PPM1H: variants seen among roughly 807,000 people sequenced by gnomAD.
The protein encoded by PPM1H is protein phosphatase 1H.
In PPM1H, 27 loss-of-function variants were observed where a neutral mutation model predicts 54.9. The ratio of observed to expected loss-of-function variants is 0.49; its 90% confidence interval spans 0.36 to 0.68. PPM1H has a LOEUF of 0.68. PPM1H is among the 30% of genes least tolerant of loss of function. The pLI, the probability that PPM1H is intolerant of heterozygous loss-of-function variation, is 0.00. For synonymous variants in PPM1H, 305 were observed against 270.8 expected, an observed-to-expected ratio of 1.13 and a Z score of -1.24; for missense variants, 596 against 667.8, an observed-to-expected ratio of 0.89 and a Z score of 1.19.
intron 4 of PPM1H, among the ~76,000 whole-genome samples, chr12:62,741,891 A>G (rs2076383150): frequency 6.6e-6 from 1 of 152,182 alleles, no homozygotes; most frequent in Non-Finnish European, 1.5e-5. Flanking sequence ...AGGGCCCTAC[A>G]TAAGACTTTT....
intron 4 of PPM1H, among the ~76,000 whole-genome samples, chr12:62,769,627 G>C (rs1421654925): frequency 6.6e-6 from 1 of 152,186 alleles, no homozygotes; most frequent in Non-Finnish European, 1.5e-5. Flanking sequence ...ATACCATACT[G>C]AACAGCTGTT....
rs117774112 is a variant in PPM1H, at chr12:62,934,340, G to A, written c.245+152C>T. Among the ~76,000 whole-genome samples the A allele has an allele frequency of 0.023, 3,464 of 152,286 alleles. 40 individuals are homozygous for A. The highest frequency in any genetic ancestry group is 0.028 in the Non-Finnish European group (1,902 of 68,016). ...GAGGGAGTGGGGAGAAGAGGGAAATGGCCAGTGTAAGTAAAGAGCTCCCCG... is the reference window on the plus strand; with the variant it reads ...GAGGGAGTGGGGAGAAGAGGGAAATAGCCAGTGTAAGTAAAGAGCTCCCCG... On this transcript the variant is annotated intron_variant, in intron 1 of 9. Transcript: ENST00000228705. The surrounding 1 kb of genome is among the most constrained non-coding windows in gnomAD (Gnocchi z 4.2).
At chr12:62,862,574 C>A (rs542560052) in intron 1 of PPM1H, among the ~76,000 whole-genome samples, 18 of 152,232 alleles carry the variant, frequency 1.2e-4, no homozygotes, top group African/African-American at 4.3e-4. Flanking sequence ...ATTGAAAAAA[C>A]TTGGAATAAA....
chr12:62,751,382 T>C (rs977605498), intron 4 of PPM1H, among the ~76,000 whole-genome samples: 14 of 152,236 alleles, frequency 9.2e-5, no homozygotes, highest in African/African-American at 3.1e-4. Context: ...AGTGGTATTT[T>C]AGCCTGAGGG....
intron 9 of PPM1H, among the ~76,000 whole-genome samples, chr12:62,654,959 C>T (rs1032713637): frequency 1.3e-5 from 2 of 152,142 alleles, no homozygotes; most frequent in African/African-American, 4.8e-5. Context: ...GGCTTCTCTC[C>T]GCCGGCTTCT....
At chr12:62,804,820 C>T (rs1255181784) in intron 2 of PPM1H, among the ~76,000 whole-genome samples, 4 of 149,652 alleles carry the variant, frequency 2.7e-5, no homozygotes, top group African/African-American at 4.9e-5. Flanking sequence ...GGACTACAGG[C>T]GCCCGCCACT....
intron 1 of PPM1H, among the ~76,000 whole-genome samples, chr12:62,876,558 G>T (rs1278141918): frequency 6.6e-6 from 1 of 152,202 alleles, no homozygotes; most frequent in Non-Finnish European, 1.5e-5. Flanking sequence ...CTTAGGAAAA[G>T]AAAACACAAG....
intron 2 of PPM1H, among the ~76,000 whole-genome samples, chr12:62,820,343 G>T (rs1321536419): frequency 6.6e-6 from 1 of 152,230 alleles, no homozygotes; most frequent in South Asian, 2.1e-4. Context: ...TGAACAAAAG[G>T]CAGCAGAAAC....
intron 2 of PPM1H, among the ~76,000 whole-genome samples, chr12:62,818,196 C>T (rs1201673823): frequency 1.3e-5 from 2 of 152,206 alleles, no homozygotes; most frequent in Non-Finnish European, 2.9e-5. Context: ...TAGGTTATGA[C>T]ATGCCTTTCA....
intron 4 of PPM1H, among the ~76,000 whole-genome samples, chr12:62,749,895 C>T (rs774805095): frequency 4.6e-5 from 7 of 152,200 alleles, no homozygotes; most frequent in Admixed American, 2.0e-4. Flanking sequence ...ACTCATACCA[C>T]CCAGAATAAT....
At chr12:62,715,569 C>T (rs2120441367) in intron 6 of PPM1H, among the ~76,000 whole-genome samples, 1 of 152,154 alleles carries the variant, frequency 6.6e-6, no homozygotes, top group East Asian at 1.9e-4. Context: ...TCCGTGAAAG[C>T]ATGAGGGTGG....
At chr12:62,825,138 A>G (rs1344738602) in intron 2 of PPM1H, among the ~76,000 whole-genome samples, 2 of 152,228 alleles carry the variant, frequency 1.3e-5, no homozygotes, top group African/African-American at 4.8e-5. Flanking sequence ...CATGAAAAAA[A>G]TCCTCATCAT....
At chr12:62,776,352 TC>T (rs1365278727) in intron 4 of PPM1H, among the ~76,000 whole-genome samples, 1 of 152,226 alleles carries the variant, frequency 6.6e-6, no homozygotes, top group African/African-American at 2.4e-5. Context: ...CTAAGTCCCT[TC>T]CCTTGCCCTA....
intron 8 of PPM1H, among the ~76,000 whole-genome samples, chr12:62,677,807 T>G (rs1488536778): frequency 1.3e-5 from 2 of 152,250 alleles, no homozygotes; most frequent in Non-Finnish European, 2.9e-5. Flanking sequence ...GTAAGGATCC[T>G]GTGACATTAT....
At chr12:62,817,161 G>GA (rs1179706449) in intron 2 of PPM1H, among the ~76,000 whole-genome samples, 1,879 of 75,304 alleles carry the variant, frequency 0.025, 27 homozygotes, top group Non-Finnish European at 0.039. Context: ...CTAAAAAAAA[G>GA]AAAAAAAAAA....
intron 9 of PPM1H, among the ~76,000 whole-genome samples, chr12:62,662,460 G>C (rs750998134): frequency 6.6e-6 from 1 of 152,090 alleles, no homozygotes; most frequent in Non-Finnish European, 1.5e-5. Flanking sequence ...CTACCTTCAC[G>C]TTTCCTGAAT....
At chr12:62,774,370 T>C (rs2076597353) in intron 4 of PPM1H, among the ~76,000 whole-genome samples, 1 of 151,666 alleles carries the variant, frequency 6.6e-6, no homozygotes, top group Non-Finnish European at 1.5e-5. Flanking sequence ...TTTCCTTTTT[T>C]GAGATATTTT....
intron 8 of PPM1H, among the ~76,000 whole-genome samples, chr12:62,677,713 G>A (rs2136624297): frequency 6.6e-6 from 1 of 152,314 alleles, no homozygotes; most frequent in Admixed American, 6.5e-5. Flanking sequence ...AGGCTGAGTG[G>A]GCAGAACAGG....
chr12:62,796,004 T>C (rs1592603313), intron 3 of PPM1H, among the ~76,000 whole-genome samples: 1 of 152,208 alleles, frequency 6.6e-6, no homozygotes, highest in Admixed American at 6.5e-5. Flanking sequence ...GCTGGGATTA[T>C]AGGTGTGGAC....
Sources: allele counts gnomAD v4.1 joint callset (sites outside exome capture counted in the v4.1 genomes callset), GRCh38; gene constraint gnomAD v4.1.1; non-coding constraint Gnocchi (gnomAD v3.1); transcripts MANE v1.5; gene names NCBI Gene and HGNC (gene_info 2026-07-23, HGNC 2026-07-21).